The following NOP2 variants were observed in gnomAD, a reference collection of about 807,000 sequenced individuals.
NOP2 encodes 28S rRNA (cytosine(4447)-C(5))-methyltransferase.
A neutral mutation model predicts 72.7 loss-of-function variants in NOP2; 7 were observed. The observed-to-expected ratio is 0.10, with a 90% CI of 0.05 to 0.18. NOP2 has a LOEUF of 0.18. Ranked by LOEUF, NOP2 falls within the 10% of genes least tolerant of loss-of-function variation. NOP2 has a pLI of 1.00. For missense variants in NOP2, 954 were observed against 1,014.7 expected, an observed-to-expected ratio of 0.94 and a Z score of 0.81; for synonymous variants, 387 against 388.0, an observed-to-expected ratio of 1.00 and a Z score of 0.03.
rs376138257 is a variant in NOP2, at chr12:6,566,815, G to A, written c.111C>T (p.Asp37=). ...GACTAGACAGCCTCTTGGAATTTTC[G>A]TCACTTACTGTTTAAAAAAGAAAAA... ...ELVRFLPAVS[D]ENSKRLSSRA... Residue 37 remains aspartate (D), a synonymous_variant, in exon 3 of 16, where the codon GAC becomes GAT. Transcript: ENST00000322166. 4.6e-5 allele frequency: 74 copies of A among 1,611,728 alleles called. No homozygotes were observed. The highest frequency in any genetic ancestry group is 5.9e-5 in the Non-Finnish European group (70 of 1,178,806).
Position 6,563,650 on chromosome 12 carries a change from G to T in NOP2, c.652C>A (p.Pro218Thr). ...GGLQINVDEE[P>T]FVLPPAGEME... Reference sequence around the variant, plus strand: ...TCCCCAGCAGGGGGCAGCACAAATGGTTCCTCATCCACATTGATCTGCAGG... The same window carrying T: ...TCCCCAGCAGGGGGCAGCACAAATGTTTCCTCATCCACATTGATCTGCAGG... Residue 218 changes from proline to threonine, a missense_variant, in exon 7 of 16, where the codon CCA becomes ACA. Around this residue, in one of 3 missense-constraint regions of NOP2, gnomAD observed 498 missense variants for 478.3 expected, o/e 1.04. Transcript: ENST00000322166. 6.2e-7 allele frequency: 1 copy of T among 1,613,404 alleles called. No individual in the cohort carries two copies. The highest frequency in any genetic ancestry group is 8.5e-7 in the Non-Finnish European group (1 of 1,179,634).
At position 6,567,765 on chromosome 12, in the gene NOP2, T is replaced by C. The variant is rs992698745; in HGVS notation, c.103+51A>G. The stretch of plus-strand genomic sequence containing the variant: ...AACTAAAAAAGAGAAGAGGTTATAA[T>C]ACAGAATACTGCAAAAGCTGAGGGA... On this transcript the variant is annotated intron_variant, in intron 2 of 15. Coordinates refer to ENST00000322166, the MANE Select transcript of NOP2 (RefSeq NM_001258308.2). The C allele has an allele frequency of 1.4e-5, 20 of 1,403,816 alleles. No homozygotes were observed. In the Admixed American group the frequency reaches 3.2e-4, roughly 23 times the overall value. The allele number at this position is 1,403,816 out of a possible 1,614,324, so 87.0% of individuals were successfully genotyped here. A position where few individuals can be genotyped will look rare whatever the true frequency, so the allele number is the denominator to read the frequency against.
rs763704142 is a variant in NOP2, at chr12:6,557,414, G to A, written c.2018C>T (p.Ser673Phe). 3.1e-6 allele frequency: 5 copies of A among 1,613,940 alleles called. No homozygotes were observed. The Admixed American group carries it at 6.7e-5, about 22-fold the overall frequency. ...TVPSVTKTQA[S>F]SSFQDSSQPA... ...CTGACTGCTATCCTGGAAGCTGGAG[G>A]AAGCTTGGGTCTTTGTGACAGAAGG... The change falls in exon 16 of 16, where the codon TCC becomes TTC. Residue 673 changes from serine to phenylalanine, a missense_variant. Ser to Phe is a radical substitution (Grantham distance 155). Coordinates refer to ENST00000322166, the MANE Select transcript of NOP2 (RefSeq NM_001258308.2).
rs751376572 is a variant in NOP2 at position 6,557,231 on chromosome 12, G to C, written c.2201C>G (p.Ser734Cys). The change falls in exon 16 of 16, where the codon TCC (serine) becomes TGC (cysteine). Residue 734 changes from serine to cysteine, a missense_variant. Ser to Cys is a moderately radical substitution (Grantham distance 112). Around this residue, in one of 3 missense-constraint regions of NOP2, gnomAD observed 269 missense variants for 260.2 expected, o/e 1.03. Transcript: ENST00000322166. ...DTQTPAVLSP[S>C]KTQATLKPKD... ...AGGTTTCAGGGTGGCCTGAGTCTTGGATGGGGATAACACAGCCGGTGTTTG... is the reference window on the plus strand; with the variant it reads ...AGGTTTCAGGGTGGCCTGAGTCTTGCATGGGGATAACACAGCCGGTGTTTG... 3.1e-6 allele frequency: 5 copies of C among 1,614,040 alleles called. No individual in the cohort carries two copies. The Admixed American group carries it at 8.3e-5, about 27-fold the overall frequency.
Position 6,560,010 on chromosome 12 carries a change from C to T in NOP2, c.1789+88G>A. 1 of 962,426 alleles carries T rather than the reference C, an allele frequency of 1.0e-6. No individual in the cohort carries two copies. The highest frequency in any genetic ancestry group is 2.2e-5 in the Admixed American group (1 of 46,166). 59.6% of individuals were successfully genotyped at this position (962,426 alleles called of 1,614,324 possible). The stretch of plus-strand genomic sequence containing the variant: ...TGGAGTAAGGGATGCATGAATCTTT[C>T]CTTTCCCTTCCTCTTGTCACACCAT... On this transcript the variant is annotated intron_variant, in intron 15 of 15. Coordinates refer to ENST00000322166, the MANE Select transcript of NOP2 (RefSeq NM_001258308.2). The surrounding 1 kb of genome is among the most constrained non-coding windows in gnomAD (Gnocchi z 5.0).
intron 9 of NOP2, among the ~76,000 whole-genome samples, chr12:6,562,255 G>A (rs924626967): frequency 8.5e-5 from 13 of 152,156 alleles, no homozygotes; most frequent in Admixed American, 3.9e-4. Flanking sequence ...CTCCCAAAGT[G>A]CTGGGATTAC....
intron 8 of NOP2, 56 bp from the exon 9 acceptor site, chr12:6,563,226 G>C: frequency 6.4e-7 from 1 of 1,552,748 alleles, no homozygotes; most frequent in Non-Finnish European, 8.7e-7. Flanking sequence ...TCAGTCAGAA[G>C]AGGGGAGCAA....
intron 5 of NOP2, 21 bp from the exon 6 acceptor site, chr12:6,563,967 T>C: frequency 1.2e-6 from 2 of 1,611,132 alleles, no homozygotes; most frequent in South Asian, 1.1e-5. Context: ...ACAAGGGCTA[T>C]TAATACAGGC....
In NOP2 at chr12:6,561,767, C is replaced by T. The variant is rs1308795232; in HGVS notation, c.1104G>A (p.Leu368=). 2 of 1,611,408 alleles carry T rather than the reference C, an allele frequency of 1.2e-6. No individual in the cohort carries two copies. The highest frequency in any genetic ancestry group is 2.7e-5 in the African/African-American group (2 of 74,982). The part of the protein sequence containing the change: ...TPEYLAGHYM[L]QGASSMLPVM... ...CGGGCAACATGCTGGAGGCTCCCTG[C>T]AGCATGTAGTGCCCAGCCAGGTACT... The change falls in exon 11 of 16, where the codon CTG becomes CTA. Residue 368 remains leucine, a synonymous_variant. Coordinates refer to ENST00000322166, the MANE Select transcript of NOP2 (RefSeq NM_001258308.2).
chr12:6,563,954 G>A lies in NOP2; in HGVS notation c.475-8C>T. On this transcript the variant is annotated splice_polypyrimidine_tract_variant and splice_region_variant and intron_variant, in intron 5 of 15. Coordinates refer to ENST00000322166, the MANE Select transcript of NOP2 (RefSeq NM_001258308.2). ...TCTTTCAATGGGCAGCAACTGAAGA[G>A]AGACAAGGGCTATTAATACAGGCCT... is the stretch of plus-strand genomic sequence containing the variant. 2 of 1,612,860 alleles carry A rather than the reference G, an allele frequency of 1.2e-6. No homozygotes were observed. The highest frequency in any genetic ancestry group is 1.7e-6 in the Non-Finnish European group (2 of 1,179,426).
At position 6,557,457 on chromosome 12, in the gene NOP2, A is replaced by G; in HGVS notation, c.1975T>C (p.Ser659Pro). 6.2e-7 allele frequency: 1 copy of G among 1,613,906 alleles called. No individual in the cohort carries two copies. Among genetic ancestry groups the G allele is most frequent in the Non-Finnish European group, 8.5e-7 (1 of 1,179,878 alleles). ...ACAGAAGGTACAGTGGACAATTCTG[A>G]GTCTGCCCCTTTGGAGATGCCATTC... ...KLNGISKGAD[S>P]ELSTVPSVTK... The change falls in exon 16 of 16, where the codon TCA (serine) becomes CCA (proline). Residue 659 changes from serine to proline, a missense_variant. Around this residue, in one of 3 missense-constraint regions of NOP2, gnomAD observed 269 missense variants for 260.2 expected, o/e 1.03. Transcript: ENST00000322166.
chr12:6,563,047 C>T (rs1239394566), intron 9 of NOP2, 34 bp downstream of exon 9: 1 of 1,548,822 alleles, frequency 6.5e-7, no homozygotes, highest in Admixed American at 1.9e-5. Context: ...CACTTCCCTT[C>T]TGAGATGAGT....
At position 6,560,233 on chromosome 12, in the gene NOP2, T is replaced by C. The variant is rs1410795042; in HGVS notation, c.1654A>G (p.Thr552Ala). ...TGLDFGQEGF[T>A]RFRERRFHPS... is the part of the protein sequence containing the mutation. ...TGGAAGCGCCTTTCTCGAAAGCGGG[T>C]AAAACCTTCCTGGCCAAAGTCTAGG... Residue 552 changes from threonine to alanine, a missense_variant, in exon 15 of 16, where the codon ACC becomes GCC. Physicochemically the swap from Thr to Ala is moderately conservative, Grantham distance 58 (BLOSUM62 0). Coordinates refer to ENST00000322166, the MANE Select transcript of NOP2 (RefSeq NM_001258308.2). This position sits in a 1 kb window ranked among gnomAD's most constrained non-coding sequence, Gnocchi z 5.0. The C allele has an allele frequency of 2.5e-6, 4 of 1,613,824 alleles. No individual in the cohort carries two copies. The highest frequency in any genetic ancestry group is 3.3e-4 in the Middle Eastern group (2 of 6,060).
At chr12:6,566,374 A>T in intron 4 of NOP2, 38 bp from the exon 5 acceptor site, 1 of 1,558,684 alleles carries the variant, frequency 6.4e-7, no homozygotes. Context: ...TGGCAGCCAC[A>T]CATTCCCTGG....
intron 2 of NOP2, 83 bp downstream of exon 2, chr12:6,567,733 G>T: frequency 2.8e-6 from 3 of 1,080,010 alleles, no homozygotes; most frequent in East Asian, 2.4e-5. Context: ...AATATAAAAT[G>T]AACAGAAACT....
chr12:6,560,497 C>A lies in NOP2; in HGVS notation c.1510G>T (p.Ala504Ser), dbSNP rs771339838. The change falls in exon 14 of 16, where the codon GCG (alanine) becomes TCG (serine). Residue 504 changes from alanine (A) to serine (S), a missense_variant. Transcript: ENST00000322166. This position sits in a 1 kb window ranked among gnomAD's most constrained non-coding sequence, Gnocchi z 5.0. Reference protein sequence around the residue: ...LLLSAIDSVNATSKTGGYLVY... With the variant: ...LLLSAIDSVNSTSKTGGYLVY... ...AGGTAGCCTCCTGTCTTGGAGGTCG[C>A]ATTGACAGAGTCAATAGCACTCAGG... is the stretch of plus-strand genomic sequence containing the variant. 1 of 1,606,210 alleles carries A rather than the reference C, an allele frequency of 6.2e-7. No individual in the cohort carries two copies. The highest frequency in any genetic ancestry group is 1.1e-5 in the South Asian group (1 of 90,728).
chr12:6,561,819 C>A lies in NOP2; in HGVS notation c.1067-15G>T. 6.2e-7 allele frequency: 1 copy of A among 1,609,030 alleles called. No homozygotes were observed. Among genetic ancestry groups the A allele is most frequent in the East Asian group, 2.2e-5 (1 of 44,688 alleles). ...GGGGGTAGCACCTGTGGAGAAGGAC[C>A]ACCCTGTGACATGCGGTAGGGACAG... On this transcript the variant is annotated splice_polypyrimidine_tract_variant and intron_variant, in intron 10 of 15. Transcript: ENST00000322166.
intron 6 of NOP2, 42 bp from the exon 7 acceptor site, chr12:6,563,813 C>A (rs747038216): frequency 6.2e-7 from 1 of 1,612,616 alleles, no homozygotes; most frequent in Non-Finnish European, 8.5e-7. Context: ...CAGACCAAAA[C>A]AGATACCTCC....
intron 15 of NOP2, 130 bp downstream of exon 15, chr12:6,559,968 G>T: frequency 1.4e-6 from 1 of 700,766 alleles, no homozygotes; most frequent in Non-Finnish European, 2.4e-6. Context: ...GGTTCTCTCA[G>T]CCAAGCATGC....
Sources: allele counts gnomAD v4.1 joint callset (sites outside exome capture counted in the v4.1 genomes callset), GRCh38; gene constraint gnomAD v4.1.1; regional missense constraint gnomAD v4.1.1; non-coding constraint Gnocchi (gnomAD v3.1); transcripts MANE v1.5; gene names NCBI Gene and HGNC (gene_info 2026-07-23, HGNC 2026-07-21).